Variants in SCHIP1 observed in about 807,000 individuals in gnomAD.
SCHIP1 encodes schwannomin interacting protein 1, also known as schwannomin-interacting protein 1.
Under a neutral mutation model 29.7 loss-of-function variants are expected in SCHIP1, and 8 were observed. That is an observed-to-expected ratio of 0.27 (90% confidence interval 0.16 to 0.49). SCHIP1 has a LOEUF of 0.49. Among genes scored for constraint, SCHIP1 ranks in the 20% least tolerant of loss-of-function variants. The pLI is 0.99. For missense variants in SCHIP1, 193 were observed against 294.6 expected, an observed-to-expected ratio of 0.66 and a Z score of 2.52; for synonymous variants, 76 against 94.9, an observed-to-expected ratio of 0.80 and a Z score of 1.16.
the SCHIP1 span, among the ~76,000 whole-genome samples, chr3:159,823,134 G>A: frequency 6.6e-6 from 1 of 152,116 alleles, no homozygotes; most frequent in South Asian, 2.1e-4. Context: ...GGGATGACCT[G>A]GAGTTGAGGA....
the SCHIP1 span, among the ~76,000 whole-genome samples, chr3:159,694,076 T>C: frequency 6.6e-6 from 1 of 152,176 alleles, no homozygotes; most frequent in Non-Finnish European, 1.5e-5. Context: ...GTATTTCTTA[T>C]AAGAACTAAG....
At chr3:159,538,114 G>T in the SCHIP1 span, among the ~76,000 whole-genome samples, 1 of 152,090 alleles carries the variant, frequency 6.6e-6, no homozygotes, top group Non-Finnish European at 1.5e-5. Context: ...GATTACAATG[G>T]GAGCCCTTGG....
At chr3:159,607,419 T>C in the SCHIP1 span, among the ~76,000 whole-genome samples, 1 of 152,138 alleles carries the variant, frequency 6.6e-6, no homozygotes, top group Admixed American at 6.6e-5. Context: ...AAAGCTAAAT[T>C]CCAAAATTAT....
chr3:159,540,815 G>A, the SCHIP1 span, among the ~76,000 whole-genome samples: 1 of 151,996 alleles, frequency 6.6e-6, no homozygotes, highest in East Asian at 1.9e-4. Flanking sequence ...TGTTTATCAA[G>A]GCATGCAACA....
the SCHIP1 span, among the ~76,000 whole-genome samples, chr3:159,530,627 C>T: frequency 2.6e-5 from 4 of 152,110 alleles, no homozygotes; most frequent in African/African-American, 7.2e-5. Context: ...CTTTGACCTT[C>T]GCTCTACCCT....
the SCHIP1 span, among the ~76,000 whole-genome samples, chr3:159,819,385 G>A: frequency 6.6e-5 from 10 of 152,148 alleles, no homozygotes; most frequent in Non-Finnish European, 1.3e-4. Context: ...TTAAGGGGAA[G>A]GGAATTAAGC....
At chr3:159,458,278 A>G in the SCHIP1 span, among the ~76,000 whole-genome samples, 1 of 152,132 alleles carries the variant, frequency 6.6e-6, no homozygotes, top group South Asian at 2.1e-4. Flanking sequence ...CGCCTGCCTA[A>G]CCACATACAT....
chr3:159,569,277 C>A, the SCHIP1 span, among the ~76,000 whole-genome samples: 1 of 152,120 alleles, frequency 6.6e-6, no homozygotes, highest in Non-Finnish European at 1.5e-5. Context: ...ATCAATTCAT[C>A]ATTTACATTA....
the SCHIP1 span, among the ~76,000 whole-genome samples, chr3:159,487,083 C>T: frequency 3.7e-3 from 563 of 151,896 alleles, 8 homozygotes; most frequent in African/African-American, 0.013. Context: ...GCTCAGGTTG[C>T]TTCAGAAGAT....
the SCHIP1 span, among the ~76,000 whole-genome samples, chr3:159,650,639 T>C: frequency 6.6e-6 from 1 of 152,186 alleles, no homozygotes; most frequent in South Asian, 2.1e-4. Flanking sequence ...TAGGAATTTA[T>C]GTACAAAGCT....
At chr3:159,608,922 C>T in the SCHIP1 span, among the ~76,000 whole-genome samples, 3 of 152,190 alleles carry the variant, frequency 2.0e-5, no homozygotes, top group African/African-American at 7.2e-5. Context: ...CCATCACTTT[C>T]GTAGCAGTTA....
the SCHIP1 span, among the ~76,000 whole-genome samples, chr3:159,355,559 A>G: frequency 7.2e-5 from 11 of 152,170 alleles, no homozygotes; most frequent in African/African-American, 2.7e-4. Flanking sequence ...GAAACTTGAT[A>G]AGCATCTATT....
the SCHIP1 span, among the ~76,000 whole-genome samples, chr3:159,788,489 T>C: frequency 6.6e-6 from 1 of 152,104 alleles, no homozygotes; most frequent in Non-Finnish European, 1.5e-5. Flanking sequence ...CTGGATGTGA[T>C]TTCCTGTTGG....
chr3:159,573,719 C>CA, the SCHIP1 span, among the ~76,000 whole-genome samples: 8 of 152,174 alleles, frequency 5.3e-5, no homozygotes, highest in African/African-American at 1.9e-4. Context: ...ATCTTGGTTC[C>CA]ATTCTCCTCA....
At chr3:159,586,429 A>C in the SCHIP1 span, among the ~76,000 whole-genome samples, 1 of 152,330 alleles carries the variant, frequency 6.6e-6, no homozygotes, top group East Asian at 1.9e-4. Flanking sequence ...GAATTGAAAG[A>C]ATGCAGAAAG....
At chr3:159,490,809 T>A in the SCHIP1 span, among the ~76,000 whole-genome samples, 8 of 152,128 alleles carry the variant, frequency 5.3e-5, no homozygotes, top group African/African-American at 1.9e-4. Flanking sequence ...ACTTGTAAGA[T>A]AACTGGAAAA....
chr3:159,633,948 A>C, the SCHIP1 span, among the ~76,000 whole-genome samples: 1 of 152,168 alleles, frequency 6.6e-6, no homozygotes, highest in Non-Finnish European at 1.5e-5. Flanking sequence ...AAAAAGCAAT[A>C]ATTAACTCAA....
At chr3:159,292,328 T>A in the SCHIP1 span, among the ~76,000 whole-genome samples, 3 of 152,296 alleles carry the variant, frequency 2.0e-5, no homozygotes, top group Admixed American at 6.5e-5. Flanking sequence ...CAACATTCTA[T>A]TTTGTATATT....
the SCHIP1 span, among the ~76,000 whole-genome samples, chr3:159,347,611 A>G: frequency 6.6e-6 from 1 of 152,338 alleles, no homozygotes; most frequent in South Asian, 2.1e-4. Flanking sequence ...AATAAAAGAT[A>G]GTGGCATTGA....
Sources: allele counts gnomAD v4.1 joint callset (sites outside exome capture counted in the v4.1 genomes callset), GRCh38; gene constraint gnomAD v4.1.1; transcripts MANE v1.5; gene names NCBI Gene and HGNC (gene_info 2026-07-23, HGNC 2026-07-21).